DGKI: variants seen among roughly 807,000 people sequenced by gnomAD.
DGKI encodes the protein DAG kinase iota.
A neutral mutation model predicts 147.5 loss-of-function variants in DGKI; 55 were observed. That is an observed-to-expected ratio of 0.37 (90% CI 0.30 to 0.47). The LOEUF (loss-of-function observed/expected upper bound fraction) is 0.47, where lower values mean the gene tolerates loss of function less well. Ranked by LOEUF, DGKI falls within the 20% of genes least tolerant of loss-of-function variation. The pLI is 1.00. For synonymous variants in DGKI, 469 were observed against 477.1 expected, an observed-to-expected ratio of 0.98 and a Z score of 0.22; for missense variants, 1,007 against 1,323.8, an observed-to-expected ratio of 0.76 and a Z score of 3.71.
intron 18 of DGKI, 24 bp from the exon 19 acceptor site, chr7:137,571,310 A>T (rs555573249): frequency 6.6e-7 from 1 of 1,519,336 alleles, no homozygotes; most frequent in Non-Finnish European, 9.1e-7. Context: ...TTAAAGACAG[A>T]AGTAAATATG....
At chr7:137,469,303 C>T (rs71550670) in intron 24 of DGKI, among the ~76,000 whole-genome samples, 1 of 152,146 alleles carries the variant, frequency 6.6e-6, no homozygotes, top group African/African-American at 2.4e-5. Context: ...AGAAAAACAT[C>T]GGCCTGAGCA....
rs566969236 is a variant in DGKI at position 137,395,616 on chromosome 7, C to A, written c.3039G>T (p.Leu1013=). Residue 1013 remains leucine (L), a synonymous_variant, in exon 32 of 33, where the codon CTG becomes CTT. Transcript: ENST00000614521. The stretch of plus-strand genomic sequence containing the variant: ...GAGTTACCTTGGAGTCCGTCTTTCT[C>A]AGAGATGCTCCTGCATCCACCAGAA... ...CQLLVDAGAS[L]RKTDSKGKTP... 6.2e-7 allele frequency: 1 copy of A among 1,614,024 alleles called. No homozygotes were observed. The highest frequency in any genetic ancestry group is 2.2e-5 in the East Asian group (1 of 44,878).
chr7:137,603,237 G>A (rs1419821432), intron 10 of DGKI, among the ~76,000 whole-genome samples: 1 of 152,266 alleles, frequency 6.6e-6, no homozygotes, highest in Non-Finnish European at 1.5e-5. Context: ...ATTGTTGGGG[G>A]TGTGGAGAAG....
chr7:137,796,510 A>G (rs936663916), intron 1 of DGKI, among the ~76,000 whole-genome samples: 6 of 152,072 alleles, frequency 3.9e-5, no homozygotes, highest in Non-Finnish European at 7.4e-5. Context: ...AAAAAAAAAA[A>G]GCTTTACGTA....
intron 1 of DGKI, among the ~76,000 whole-genome samples, chr7:137,720,801 C>T (rs1019322404): frequency 4.6e-5 from 7 of 152,066 alleles, no homozygotes; most frequent in Admixed American, 4.6e-4. Context: ...ATCAAGTCTC[C>T]ATGATGTATT....
chr7:137,746,881 T>C (rs1459932996), intron 1 of DGKI, among the ~76,000 whole-genome samples: 2 of 152,080 alleles, frequency 1.3e-5, no homozygotes, highest in African/African-American at 4.8e-5. Context: ...GGGGGACAGA[T>C]AGGCACAACA....
At chr7:137,842,994 C>T (rs560755704) in intron 1 of DGKI, among the ~76,000 whole-genome samples, 2 of 152,240 alleles carry the variant, frequency 1.3e-5, no homozygotes, top group Non-Finnish European at 2.9e-5. Context: ...CAGCGTGATG[C>T]GGTCTAAAGA....
At chr7:137,412,070 G>T in intron 29 of DGKI, 100 bp downstream of exon 29, 2 of 1,152,326 alleles carry the variant, frequency 1.7e-6, no homozygotes, top group South Asian at 1.3e-5. Flanking sequence ...GCAAGCAGGG[G>T]ATGATAAATG....
chr7:137,421,367 C>T (rs988387136), intron 28 of DGKI, among the ~76,000 whole-genome samples: 7 of 152,306 alleles, frequency 4.6e-5, no homozygotes, highest in African/African-American at 7.2e-5. Flanking sequence ...AGAATTAATC[C>T]CCCAATTCAA....
chr7:137,573,002 T>C (rs1818845012), intron 17 of DGKI, among the ~76,000 whole-genome samples, 164 bp from the exon 18 acceptor site: 1 of 152,188 alleles, frequency 6.6e-6, no homozygotes, highest in South Asian at 2.1e-4. Flanking sequence ...ATTCTGGTTA[T>C]AGCTTTACTG....
At chr7:137,568,677 C>G (rs192788372) in intron 19 of DGKI, among the ~76,000 whole-genome samples, 13 of 152,228 alleles carry the variant, frequency 8.5e-5, no homozygotes, top group African/African-American at 2.6e-4. Flanking sequence ...ATCACGTAAC[C>G]CTTTCCAAGT....
chr7:137,381,920 T>C lies in DGKI; in HGVS notation c.*9300A>G, dbSNP rs1290296300. On this transcript the variant is annotated 3_prime_UTR_variant, in exon 33 of 33. Transcript: ENST00000614521. ...TAAGTCAGGGAGAGCATCAAAGTTCTACTTGCATTGGAAATTATGCTTGTA... is the reference window on the plus strand; with the variant it reads ...TAAGTCAGGGAGAGCATCAAAGTTCCACTTGCATTGGAAATTATGCTTGTA... 1 of 152,134 alleles carries C rather than the reference T, an allele frequency of 6.6e-6. No individual in the cohort carries two copies. Among genetic ancestry groups the C allele is most frequent in the East Asian group, 1.9e-4 (1 of 5,192 alleles). The allele number at this position is 152,134 out of a possible 1,614,324, so 9.4% of individuals were successfully genotyped here. A position where few individuals can be genotyped will look rare whatever the true frequency, so the allele number is the denominator to read the frequency against.
intron 27 of DGKI, among the ~76,000 whole-genome samples, chr7:137,448,017 C>T (rs1041876005): frequency 1.3e-5 from 2 of 152,128 alleles, no homozygotes; most frequent in Admixed American, 6.5e-5. Flanking sequence ...AACCATCATA[C>T]ATGAAGAAGA....
At chr7:137,426,491 C>T (rs1420014088) in intron 28 of DGKI, among the ~76,000 whole-genome samples, 13 of 152,286 alleles carry the variant, frequency 8.5e-5, no homozygotes, top group African/African-American at 2.2e-4. Flanking sequence ...ACTGCATCAA[C>T]TAACAAGCAA....
intron 23 of DGKI, among the ~76,000 whole-genome samples, chr7:137,484,907 G>A (rs1342738886): frequency 6.6e-6 from 1 of 151,974 alleles, no homozygotes; most frequent in African/African-American, 2.4e-5. Flanking sequence ...AGTCCTGGTT[G>A]CTAATGGCAG....
chr7:137,701,262 C>T lies in DGKI; in HGVS notation c.402-11260G>A, dbSNP rs1823973600. ...TACATAATGGTACAGAACTGAGTATCATCTCCCTAACATTCAAACAAATCT... is the reference window on the plus strand; with the variant it reads ...TACATAATGGTACAGAACTGAGTATTATCTCCCTAACATTCAAACAAATCT... On this transcript the variant is annotated intron_variant, in intron 1 of 32. Coordinates refer to ENST00000614521, the MANE Select transcript of DGKI (RefSeq NM_001321708.2). 2.6e-5 allele frequency among the ~76,000 whole-genome samples: 4 copies of T among 152,132 alleles called. 1 individual carries two copies. Among genetic ancestry groups the T allele is most frequent in the Admixed American group, 2.6e-4 (4 of 15,280 alleles).
chr7:137,595,895 G>A (rs918084859), intron 12 of DGKI, among the ~76,000 whole-genome samples: 17 of 150,976 alleles, frequency 1.1e-4, no homozygotes, highest in Admixed American at 9.9e-4. Flanking sequence ...CCAACTACTC[G>A]GGAGGCTGAG....
intron 1 of DGKI, chr7:137,775,073 C>G (rs1003078443): frequency 6.6e-6 from 1 of 151,324 alleles, no homozygotes; most frequent in Admixed American, 6.6e-5. Context: ...TTTTAACACA[C>G]TAAGCTGACT....
At chr7:137,617,577 G>A (rs888678112) in intron 8 of DGKI, among the ~76,000 whole-genome samples, 1 of 151,938 alleles carries the variant, frequency 6.6e-6, no homozygotes, top group African/African-American at 2.4e-5. Flanking sequence ...AAATACTCTA[G>A]TTAAAGAAAA....
Sources: gnomAD v4.1 joint callset for allele counts (sites outside exome capture counted in the v4.1 genomes callset) on GRCh38, gnomAD v4.1.1 for gene constraint, MANE v1.5 for transcripts, NCBI Gene and HGNC (gene_info 2026-07-23, HGNC 2026-07-21) for gene names.